OPCML: variants seen among roughly 807,000 people sequenced by gnomAD.
OPCML encodes opioid binding protein/cell adhesion molecule like.
In OPCML, 13 loss-of-function variants were observed where a neutral mutation model predicts 37.8. That is an observed-to-expected ratio of 0.34 (90% CI 0.22 to 0.55). The LOEUF is 0.55. OPCML is among the 20% of genes least tolerant of loss of function. The pLI is 0.91. For synonymous variants in OPCML, 176 were observed against 168.8 expected, an observed-to-expected ratio of 1.04 and a Z score of -0.33; for missense variants, 341 against 435.6, an observed-to-expected ratio of 0.78 and a Z score of 1.93.
In OPCML at chr11:132,879,468, C is replaced by T. The variant is rs552424132; in HGVS notation, c.146+63458G>A. Among the ~76,000 whole-genome samples, 14 of 152,316 alleles carry T rather than the reference C, an allele frequency of 9.2e-5. No individual in the cohort carries two copies. In the South Asian group the frequency reaches 2.9e-3, roughly 32 times the overall value. On this transcript the variant is annotated intron_variant, in intron 2 of 7. Transcript: ENST00000524381. ...GATGAGGTGTTATTACAATGGAAGG[C>T]TTAAAGTAGAAATCAGACTTTGCAA...
chr11:132,547,321 T>C (rs973801589), intron 3 of OPCML, among the ~76,000 whole-genome samples: 3 of 152,212 alleles, frequency 2.0e-5, no homozygotes, highest in African/African-American at 7.2e-5. Flanking sequence ...TTCTCAACTA[T>C]TCATTTGTCT....
At chr11:133,209,629 T>C (rs991073145) in intron 1 of OPCML, among the ~76,000 whole-genome samples, 3 of 152,300 alleles carry the variant, frequency 2.0e-5, no homozygotes, top group Admixed American at 6.5e-5. Context: ...GAACGTTGCT[T>C]ACTCAGCTTG....
intron 2 of OPCML, among the ~76,000 whole-genome samples, chr11:132,669,651 G>A (rs948812311): frequency 2.6e-5 from 4 of 152,134 alleles, no homozygotes; most frequent in Non-Finnish European, 5.9e-5. Context: ...TTCTTCCATC[G>A]TGACTCACTT....
At chr11:132,589,096 C>T (rs1332758018) in intron 3 of OPCML, among the ~76,000 whole-genome samples, 2 of 152,176 alleles carry the variant, frequency 1.3e-5, no homozygotes, top group South Asian at 4.1e-4. Context: ...GTGAACATAA[C>T]CTCCATCAGT....
chr11:132,699,618 C>A (rs899969301), intron 2 of OPCML, among the ~76,000 whole-genome samples: 2 of 151,998 alleles, frequency 1.3e-5, no homozygotes, highest in Non-Finnish European at 2.9e-5. Context: ...TAACTTCTAT[C>A]TTTCATTCTG....
rs2136627399 is a variant in OPCML at position 132,416,463 on chromosome 11, A to G, written c.*3730T>C. ...TTGGGGTTCTCTGCTTTTCTCATGG[A>G]ATAGTTCTTTCAGCATAAATAGAAC... On this transcript the variant is annotated 3_prime_UTR_variant, in exon 8 of 8. Coordinates refer to ENST00000524381, the MANE Select transcript of OPCML (RefSeq NM_001012393.5). The G allele has an allele frequency of 6.6e-6, 1 of 152,266 alleles. No individual in the cohort carries two copies. The highest frequency in any genetic ancestry group is 6.5e-5 in the Admixed American group (1 of 15,298). The allele number at this position is 152,266 out of a possible 1,614,324, so 9.4% of individuals were successfully genotyped here.
chr11:133,162,552 A>G (rs1592062522), intron 1 of OPCML, among the ~76,000 whole-genome samples: 1 of 150,102 alleles, frequency 6.7e-6, no homozygotes, highest in East Asian at 2.0e-4. Flanking sequence ...TGGATCTGGG[A>G]CTGCCGCTGC....
At chr11:133,363,990 A>C (rs1944480920) in intron 1 of OPCML, among the ~76,000 whole-genome samples, 1 of 152,096 alleles carries the variant, frequency 6.6e-6, no homozygotes, top group African/African-American at 2.4e-5. Flanking sequence ...ATCTGTTTTC[A>C]TGCACAGGTG....
At chr11:133,100,270 T>G (rs1949066865) in intron 1 of OPCML, among the ~76,000 whole-genome samples, 1 of 152,088 alleles carries the variant, frequency 6.6e-6, no homozygotes, top group Non-Finnish European at 1.5e-5. Flanking sequence ...CCCAGCAACA[T>G]GCAATTTACG....
At chr11:133,474,790 G>T (rs1472253528) in intron 1 of OPCML, among the ~76,000 whole-genome samples, 1 of 152,234 alleles carries the variant, frequency 6.6e-6, no homozygotes, top group Non-Finnish European at 1.5e-5. Context: ...GGAAGTCGGG[G>T]TGAGAGAGAA....
At chr11:132,748,338 A>G (rs1183911344) in intron 2 of OPCML, among the ~76,000 whole-genome samples, 2 of 152,132 alleles carry the variant, frequency 1.3e-5, no homozygotes, top group African/African-American at 4.8e-5. Flanking sequence ...ACTCATTCAC[A>G]GATATGTATC....
chr11:133,158,221 G>A (rs757038587), intron 1 of OPCML, among the ~76,000 whole-genome samples: 6 of 152,044 alleles, frequency 3.9e-5, no homozygotes, highest in African/African-American at 7.2e-5. Flanking sequence ...GTCCCTTCCC[G>A]TACCGATTCC....
intron 7 of OPCML, among the ~76,000 whole-genome samples, chr11:132,426,436 T>G (rs2095977827): frequency 6.6e-6 from 1 of 152,112 alleles, no homozygotes; most frequent in Non-Finnish European, 1.5e-5. Context: ...TCATCATGGT[T>G]TTTGCCATTA....
In OPCML at chr11:133,174,647, A is replaced by G. The variant is rs201935444; in HGVS notation, c.62-231637T>C. ...ATGGAATGCTGTTTAGTGAAAAAAA[A>G]AAAAAAAAAAAGCAGGGGGAAGTTA... On this transcript the variant is annotated intron_variant, in intron 1 of 7. Transcript: ENST00000524381. The surrounding 1 kb of genome is among the most constrained non-coding windows in gnomAD (Gnocchi z 4.6). Among the ~76,000 whole-genome samples, 3 of 151,998 alleles carry G rather than the reference A, an allele frequency of 2.0e-5. No individual in the cohort carries two copies. In the East Asian group the frequency reaches 5.8e-4, roughly 29 times the overall value.
chr11:132,820,861 C>T lies in OPCML; in HGVS notation c.146+122065G>A, dbSNP rs113268421. Among the ~76,000 whole-genome samples the T allele has an allele frequency of 2.9e-3, 448 of 152,254 alleles. 2 individuals are homozygous for T. Among genetic ancestry groups the T allele is most frequent in the South Asian group, 0.012 (58 of 4,814 alleles). On this transcript the variant is annotated intron_variant, in intron 2 of 7. Coordinates refer to ENST00000524381, the MANE Select transcript of OPCML (RefSeq NM_001012393.5). The stretch of plus-strand genomic sequence containing the variant: ...ACTTTCTTTCCCCGCACCTCCTCCC[C>T]GAAAACTTGTCCCTCTGAGAGGGGG...
At chr11:132,707,066 TA>T (rs774232909) in intron 2 of OPCML, among the ~76,000 whole-genome samples, 4 of 152,218 alleles carry the variant, frequency 2.6e-5, no homozygotes, top group Admixed American at 6.5e-5. Flanking sequence ...TATGCTTTTT[TA>T]AAATGTAATT....
chr11:133,471,158 A>C (rs890448620), intron 1 of OPCML, among the ~76,000 whole-genome samples: 17 of 152,244 alleles, frequency 1.1e-4, no homozygotes, highest in African/African-American at 3.4e-4. Flanking sequence ...AACAAACAAC[A>C]GTCTACAGCT....
chr11:133,235,039 GACAGCAGTATCGGAGCTGTGCACCGAGAT>G (rs953227996), intron 1 of OPCML, among the ~76,000 whole-genome samples: 3 of 152,070 alleles, frequency 2.0e-5, no homozygotes, highest in Non-Finnish European at 4.4e-5. Flanking sequence ...TTGAATGACC[GACAGCAGTATCGGAGCTGTGCACCGAGAT>G]AAGGGTAATC....
At chr11:133,265,106 A>C (rs977581482) in intron 1 of OPCML, among the ~76,000 whole-genome samples, 1 of 152,160 alleles carries the variant, frequency 6.6e-6, no homozygotes, top group Middle Eastern at 3.2e-3. Context: ...AGAGGGACAT[A>C]GTCCAGTTCT....
Sources: gnomAD v4.1 joint callset for allele counts (sites outside exome capture counted in the v4.1 genomes callset) on GRCh38, gnomAD v4.1.1 for gene constraint, Gnocchi (gnomAD v3.1) non-coding constraint, MANE v1.5 for transcripts, NCBI Gene and HGNC (gene_info 2026-07-23, HGNC 2026-07-21) for gene names.